The following SLC16A2 variants were observed in gnomAD, a reference collection of about 807,000 sequenced individuals.
The protein encoded by SLC16A2 is monocarboxylate transporter 8.
In SLC16A2, 3 loss-of-function variants were observed where a neutral mutation model predicts 27.2. That is an observed-to-expected ratio of 0.11 (90% CI 0.05 to 0.28). The LOEUF (loss-of-function observed/expected upper bound fraction) is 0.28, where lower values mean the gene tolerates loss of function less well. SLC16A2 is among the 10% of genes least tolerant of loss of function. The probability of loss-of-function intolerance (pLI) is 1.00; values close to 1 mark genes in which losing one functional copy is unlikely to be tolerated. For synonymous variants in SLC16A2, 202 were observed against 187.8 expected (o/e 1.08, Z -0.62); for missense variants, 295 against 458.5 (o/e 0.64, Z 3.26).
At chrX:74,433,400 A>G (rs1474349856) in intron 1 of SLC16A2, among the ~76,000 whole-genome samples, 1 of 108,531 alleles carries the variant, frequency 9.2e-6, no homozygotes, top group East Asian at 2.9e-4. Context: ...ACCCGTGCAG[A>G]TTTCTTACGT....
intron 2 of SLC16A2, 127 bp downstream of exon 2, chrX:74,521,261 C>G (rs980925545): frequency 3.8e-6 from 3 of 799,940 alleles, no homozygotes; most frequent in Non-Finnish European, 5.6e-6. Context: ...CCTCAAAGAT[C>G]CTGCACCCTG....
rs1275421793 is a variant in SLC16A2 at position 74,531,706 on chromosome X, G to A, written c.*153G>A. ...AATCTCCTTGGAGTCAAAGCTCCAG[G>A]TGTTCCAAACTCATTAACTAAATTC... On this transcript the variant is annotated 3_prime_UTR_variant, in exon 6 of 6. Transcript: ENST00000587091. 7.8e-6 allele frequency: 4 copies of A among 515,950 alleles called. No individual in the cohort carries two copies. The highest frequency in any genetic ancestry group is 2.3e-5 in the African/African-American group (1 of 43,246). 42.5% of individuals were successfully genotyped at this position (515,950 alleles called of 1,213,427 possible).
chrX:74,531,615 A>G lies in SLC16A2; in HGVS notation c.*62A>G, dbSNP rs1021970559. Reference sequence around the variant, plus strand: ...TCCCCTTCATCCCACCCTGCTCAGCATTTACATTTTTGCCACCAGCACACT... The same window carrying G: ...TCCCCTTCATCCCACCCTGCTCAGCGTTTACATTTTTGCCACCAGCACACT... On this transcript the variant is annotated 3_prime_UTR_variant, in exon 6 of 6. Coordinates refer to ENST00000587091, the MANE Select transcript of SLC16A2 (RefSeq NM_006517.5). 75 of 962,763 alleles carry G rather than the reference A, an allele frequency of 7.8e-5. 1 individual carries two copies. In the African/African-American group the frequency reaches 1.2e-3, roughly 16 times the overall value. The allele number at this position is 962,763 out of a possible 1,213,427, so 79.3% of individuals were successfully genotyped here. A position where few individuals can be genotyped will look rare whatever the true frequency, so the allele number is the denominator to read the frequency against.
At chrX:74,473,387 G>T in intron 1 of SLC16A2, 1 of 538,662 alleles carries the variant, frequency 1.9e-6, no homozygotes, top group Non-Finnish European at 3.3e-6. Flanking sequence ...TGAGGCAATG[G>T]CCAACTCTTG....
At chrX:74,490,727 A>G (rs1929812025) in intron 1 of SLC16A2, among the ~76,000 whole-genome samples, 1 of 111,591 alleles carries the variant, frequency 9.0e-6, no homozygotes, top group African/African-American at 3.3e-5. Context: ...CTTCAGAGCT[A>G]AGGAAACACA....
intron 1 of SLC16A2, among the ~76,000 whole-genome samples, chrX:74,483,426 T>C (rs1247090445): frequency 7.1e-5 from 8 of 111,925 alleles, no homozygotes; most frequent in African/African-American, 2.6e-4. Context: ...TGGTTCTCTC[T>C]GTTAAACTTC....
chrX:74,433,889 AG>A (rs1928575610), intron 1 of SLC16A2, among the ~76,000 whole-genome samples: 2 of 112,124 alleles, frequency 1.8e-5, no homozygotes, highest in South Asian at 7.4e-4. Context: ...AACTTCTTGG[AG>A]TCTGAGTTTT....
intron 1 of SLC16A2, among the ~76,000 whole-genome samples, chrX:74,468,491 T>C (rs1288765721): frequency 8.9e-6 from 1 of 112,114 alleles, no homozygotes; most frequent in Non-Finnish European, 1.9e-5. Flanking sequence ...GGATAAACTG[T>C]ACCACATTTT....
At chrX:74,432,413 G>A (rs939061266) in intron 1 of SLC16A2, among the ~76,000 whole-genome samples, 3 of 111,316 alleles carry the variant, frequency 2.7e-5, no homozygotes, top group Non-Finnish European at 5.6e-5. Flanking sequence ...TTGCCAAAGC[G>A]GTTTTGATTA....
At chrX:74,519,180 AT>A (rs541547665) in intron 1 of SLC16A2, among the ~76,000 whole-genome samples, 148 of 102,462 alleles carry the variant, frequency 1.4e-3, no homozygotes, top group Middle Eastern at 5.1e-3. Flanking sequence ...ATTTTATCTG[AT>A]TTTTTTTTTT....
At chrX:74,435,892 C>G (rs1928624655) in intron 1 of SLC16A2, among the ~76,000 whole-genome samples, 1 of 110,175 alleles carries the variant, frequency 9.1e-6, no homozygotes, top group African/African-American at 3.3e-5. Context: ...AAGTCCCTTC[C>G]CCTTTCTCAA....
chrX:74,473,787 A>G, intron 1 of SLC16A2: 1 of 606,863 alleles, frequency 1.6e-6, no homozygotes, highest in South Asian at 2.3e-5. Context: ...AAGCCCCTGG[A>G]GGGCTTGGTG....
At chrX:74,524,862 A>C in intron 3 of SLC16A2, 53 bp downstream of exon 3, 4 of 1,049,321 alleles carry the variant, frequency 3.8e-6, no homozygotes, top group Non-Finnish European at 5.3e-6. Context: ...AGCTACCCTC[A>C]ACCTGCCTAG....
chrX:74,477,709 T>C (rs1397513644), intron 1 of SLC16A2, among the ~76,000 whole-genome samples: 1 of 112,044 alleles, frequency 8.9e-6, no homozygotes, highest in African/African-American at 3.2e-5. Flanking sequence ...TCCAAGAACA[T>C]CTTTATTTCT....
chrX:74,473,865 A>T lies in SLC16A2; in HGVS notation c.431-47125A>T, dbSNP rs934312136. 4 of 489,265 alleles carry T rather than the reference A, an allele frequency of 8.2e-6. No homozygotes were observed. The Admixed American group carries it at 1.1e-4, about 14-fold the overall frequency. 40.3% of individuals were successfully genotyped at this position (489,265 alleles called of 1,213,427 possible). On this transcript the variant is annotated intron_variant, in intron 1 of 5. Coordinates refer to ENST00000587091, the MANE Select transcript of SLC16A2 (RefSeq NM_006517.5). ...TGTTTAAAATGACTCAACCATTTTG[A>T]GCCATTTTCAGGTTGTTTCAAAGCT... is the stretch of plus-strand genomic sequence containing the variant.
At chrX:74,441,888 G>A (rs1183855525) in intron 1 of SLC16A2, among the ~76,000 whole-genome samples, 1 of 111,157 alleles carries the variant, frequency 9.0e-6, no homozygotes, top group Non-Finnish European at 1.9e-5. Flanking sequence ...TCTGGGGCAG[G>A]GGAAATGGCT....
rs1300800198 is a variant in SLC16A2 at position 74,532,726 on chromosome X, G to A, written c.*1173G>A. The A allele has an allele frequency of 8.9e-6, 1 of 111,929 alleles. No individual in the cohort carries two copies. The highest frequency in any genetic ancestry group is 3.3e-5 in the African/African-American group (1 of 30,757). 9.2% of individuals were successfully genotyped at this position (111,929 alleles called of 1,213,427 possible). On this transcript the variant is annotated 3_prime_UTR_variant, in exon 6 of 6. Transcript: ENST00000587091. ...AGGTACAGGCAGCAGTTGCACATAG[G>A]GTTGGAAAATTTCTTTTGGGAAGGG...
At chrX:74,486,482 T>C (rs1214698339) in intron 1 of SLC16A2, among the ~76,000 whole-genome samples, 1 of 112,218 alleles carries the variant, frequency 8.9e-6, no homozygotes, top group Non-Finnish European at 1.9e-5. Flanking sequence ...AAATTTCATG[T>C]GCTCATCATC....
intron 1 of SLC16A2, among the ~76,000 whole-genome samples, chrX:74,422,291 CG>C (rs1262220073): frequency 8.9e-6 from 1 of 112,070 alleles, no homozygotes. Context: ...CAAGGCGTCC[CG>C]GGGGTACGAA....
Sources: gnomAD v4.1 joint callset for allele counts (sites outside exome capture counted in the v4.1 genomes callset) on GRCh38, gnomAD v4.1.1 for gene constraint, MANE v1.5 for transcripts, NCBI Gene and HGNC (gene_info 2026-07-23, HGNC 2026-07-21) for gene names.